Variants in CHRDL1 observed in about 807,000 individuals in gnomAD.
CHRDL1 encodes chordin like 1.
CHRDL1 carries 19 observed loss-of-function variants against 40.9 expected under a neutral mutation model. The observed-to-expected ratio is 0.46, with a 90% confidence interval of 0.32 to 0.68. The LOEUF (loss-of-function observed/expected upper bound fraction) is 0.68, where lower values mean the gene tolerates loss of function less well. CHRDL1 is among the 30% of genes least tolerant of loss of function. The pLI is 0.03. For missense variants in CHRDL1, 329 were observed against 352.1 expected (o/e 0.93, Z 0.53); for synonymous variants, 136 against 123.4 (o/e 1.10, Z -0.68).
intron 11 of CHRDL1, 22 bp from the exon 12 acceptor site, chrX:110,676,383 A>G: frequency 1.7e-6 from 2 of 1,205,465 alleles, no homozygotes. Context: ...ACAAACGCAA[A>G]GTGGCCGGGA....
rs1569456462 is a variant in CHRDL1 at position 110,674,506 on chromosome X, A to ACACACACACACACAC, written c.*1724_*1725insGTGTGTGTGTGTGTG. Reference sequence around the variant, plus strand: ...ACACACACACACACACACACACACAAACTAATGCTTTGTGACCTCTCAACC... The same window carrying ACACACACACACACAC: ...ACACACACACACACACACACACACAACACACACACACACACACTAATGCTTTGTGACCTCTCAACC... On this transcript the variant is annotated 3_prime_UTR_variant, in exon 12 of 12. Coordinates refer to ENST00000372042, the MANE Select transcript of CHRDL1 (RefSeq NM_001143981.2). 9 of 90,524 alleles carry ACACACACACACACAC rather than the reference A, an allele frequency of 9.9e-5. 1 individual carries two copies. The highest frequency in any genetic ancestry group is 2.8e-4 in the African/African-American group (7 of 24,906). 7.5% of individuals were successfully genotyped at this position (90,524 alleles called of 1,213,427 possible).
intron 2 of CHRDL1, among the ~76,000 whole-genome samples, chrX:110,789,648 C>CA (rs1308728225): frequency 5.4e-5 from 6 of 111,594 alleles, no homozygotes; most frequent in Non-Finnish European, 9.4e-5. Context: ...AAAAGCAAAT[C>CA]ACAGAAAAGT....
At chrX:110,717,637 C>T (rs1386106278) in intron 6 of CHRDL1, among the ~76,000 whole-genome samples, 2 of 111,750 alleles carry the variant, frequency 1.8e-5, no homozygotes, top group Non-Finnish European at 3.8e-5. Flanking sequence ...ACAGGGAGAA[C>T]AATAGTACTC....
chrX:110,676,441 C>G, intron 11 of CHRDL1, 80 bp from the exon 12 acceptor site: 1 of 914,196 alleles, frequency 1.1e-6, no homozygotes, highest in Non-Finnish European at 1.5e-6. Flanking sequence ...CCAATATACC[C>G]CATGCTTACC....
Position 110,688,951 on chromosome X carries a change from T to A in CHRDL1, c.779-148A>T. ...GGCTATGTTTACCGAGTAGTATCTG[T>A]GACCAAAAAACAGCTTGGGCCATAT... On this transcript the variant is annotated intron_variant, in intron 8 of 11. Transcript: ENST00000372042. 1.3e-5 allele frequency: 6 copies of A among 451,321 alleles called. No homozygotes were observed. The South Asian group carries it at 2.4e-4, about 18-fold the overall frequency. 37.2% of individuals were successfully genotyped at this position (451,321 alleles called of 1,213,427 possible). A position where few individuals can be genotyped will look rare whatever the true frequency, so the allele number is the denominator to read the frequency against.
chrX:110,787,237 T>A (rs942347236), intron 2 of CHRDL1, among the ~76,000 whole-genome samples: 2 of 111,283 alleles, frequency 1.8e-5, no homozygotes, highest in African/African-American at 6.5e-5. Context: ...ATGACAATGC[T>A]CACGCTCATT....
At chrX:110,770,386 A>G (rs767412296) in intron 2 of CHRDL1, among the ~76,000 whole-genome samples, 2 of 86,470 alleles carry the variant, frequency 2.3e-5, no homozygotes, top group South Asian at 1.1e-3. Flanking sequence ...AAAACACAGC[A>G]CATCATTTAG....
intron 2 of CHRDL1, among the ~76,000 whole-genome samples, chrX:110,788,821 T>C (rs982213051): frequency 6.3e-5 from 7 of 111,316 alleles, no homozygotes; most frequent in African/African-American, 2.0e-4. Context: ...AAACCTACCA[T>C]CCGGAGATTT....
chrX:110,690,488 T>G (rs911105448), intron 8 of CHRDL1, among the ~76,000 whole-genome samples: 1 of 110,759 alleles, frequency 9.0e-6, no homozygotes. Flanking sequence ...CTTCCAGGCA[T>G]GAAAATTTCC....
intron 9 of CHRDL1, among the ~76,000 whole-genome samples, chrX:110,686,758 T>A: frequency 9.2e-6 from 1 of 108,815 alleles, no homozygotes; most frequent in Non-Finnish European, 1.9e-5. Flanking sequence ...GTGCCTATAG[T>A]CCCAGCTACT....
At chrX:110,745,002 CCACA>C (rs1311229305) in intron 4 of CHRDL1, among the ~76,000 whole-genome samples, 1 of 108,043 alleles carries the variant, frequency 9.3e-6, no homozygotes, top group East Asian at 2.9e-4. Flanking sequence ...CACATACATA[CCACA>C]CAATGTCACC....
rs190208365 is a variant in CHRDL1 at position 110,777,101 on chromosome X, T to C, written c.95-14294A>G. Among the ~76,000 whole-genome samples, 87 of 111,746 alleles carry C rather than the reference T, an allele frequency of 7.8e-4. 1 individual carries two copies. Among genetic ancestry groups the C allele is most frequent in the Admixed American group, 4.5e-3 (47 of 10,498 alleles). The stretch of plus-strand genomic sequence containing the variant: ...CATATAGTTGGAATCAAACAGTATG[T>C]AGCCTTTTCAGATTGGCTTCTTTCA... On this transcript the variant is annotated intron_variant, in intron 2 of 11. Transcript: ENST00000372042.
intron 4 of CHRDL1, among the ~76,000 whole-genome samples, chrX:110,731,066 T>C (rs945029601): frequency 8.1e-5 from 9 of 111,200 alleles, no homozygotes; most frequent in Non-Finnish European, 1.5e-4. Flanking sequence ...TCTGCGATGG[T>C]AGAGCTTCCA....
Position 110,697,410 on chromosome X carries a change from A to G in CHRDL1, c.610-3079T>C, listed in dbSNP as rs765173928. Among the ~76,000 whole-genome samples, 7 of 111,168 alleles carry G rather than the reference A, an allele frequency of 6.3e-5. 1 individual carries two copies. The highest frequency in any genetic ancestry group is 2.0e-4 in the African/African-American group (6 of 30,414). On this transcript the variant is annotated intron_variant, in intron 7 of 11. Coordinates refer to ENST00000372042, the MANE Select transcript of CHRDL1 (RefSeq NM_001143981.2). ...GGAAACTGGGCAAAGGGAATATGGG[A>G]TCTCTCTGTATTTTCTGCTACAACT...
chrX:110,763,738 C>G (rs2089608653), intron 2 of CHRDL1, among the ~76,000 whole-genome samples: 1 of 111,158 alleles, frequency 9.0e-6, no homozygotes, highest in South Asian at 3.8e-4. Context: ...GACTTCTTTT[C>G]CTCTGCATAG....
At chrX:110,694,080 G>T in intron 8 of CHRDL1, 83 bp downstream of exon 8, 1 of 760,493 alleles carries the variant, frequency 1.3e-6, no homozygotes, top group Non-Finnish European at 1.9e-6. Context: ...GGGAGAAAGG[G>T]TCCTTTCCCA....
At position 110,762,789 on chromosome X, in the gene CHRDL1, A is replaced by G; in HGVS notation, c.113T>C (p.Met38Thr). 1.8e-6 allele frequency: 2 copies of G among 1,128,617 alleles called. No individual in the cohort carries two copies. The highest frequency in any genetic ancestry group is 1.8e-5 in the South Asian group (1 of 54,296). The allele number at this position is 1,128,617 out of a possible 1,213,427, so 93.0% of individuals were successfully genotyped here. A position where few individuals can be genotyped will look rare whatever the true frequency, so the allele number is the denominator to read the frequency against. The change falls in exon 3 of 12, where the codon ATG becomes ACG. Residue 38 changes from methionine to threonine, a missense_variant. Coordinates refer to ENST00000372042, the MANE Select transcript of CHRDL1 (RefSeq NM_001143981.2). Reference protein sequence around the residue: ...EQVKHSETYCMFQDKKYRVGE... With the variant: ...EQVKHSETYCTFQDKKYRVGE... ...CACTCTGTACTTCTTGTCTTGAAACATGCAATATGTCTCTGAATCTGTGAA... is the reference window on the plus strand; with the variant it reads ...CACTCTGTACTTCTTGTCTTGAAACGTGCAATATGTCTCTGAATCTGTGAA...
At chrX:110,682,238 CAAT>C (rs762642353) in intron 9 of CHRDL1, among the ~76,000 whole-genome samples, 4 of 112,218 alleles carry the variant, frequency 3.6e-5, no homozygotes, top group Non-Finnish European at 7.5e-5. Flanking sequence ...GTAAGGGGAA[CAAT>C]AATACCGGAT....
chrX:110,685,455 G>C (rs1004127182), intron 9 of CHRDL1, among the ~76,000 whole-genome samples: 42 of 111,253 alleles, frequency 3.8e-4, no homozygotes, highest in African/African-American at 1.3e-3. Flanking sequence ...TAGAGACATG[G>C]TTTTGCCATG....
Sources: allele counts gnomAD v4.1 joint callset (sites outside exome capture counted in the v4.1 genomes callset), GRCh38; gene constraint gnomAD v4.1.1; transcripts MANE v1.5; gene names NCBI Gene and HGNC (gene_info 2026-07-23, HGNC 2026-07-21).